The following ZNF420 variants were observed in gnomAD, a reference collection of about 807,000 sequenced individuals.
The protein encoded by ZNF420 is zinc finger protein 420, also known as ATM and p53-associated KZNF protein.
Under a neutral mutation model 44.7 loss-of-function variants are expected in ZNF420, and 31 were observed. That is an observed-to-expected ratio of 0.69 (90% CI 0.52 to 0.94). ZNF420 has a LOEUF of 0.94. Among genes scored for constraint, ZNF420 ranks in the 40% least tolerant of loss-of-function variants. The probability of loss-of-function intolerance (pLI) is 0.00; values close to 1 mark genes in which losing one functional copy is unlikely to be tolerated. For missense variants in ZNF420, 681 were observed against 827.9 expected (o/e 0.82, Z 2.18); for synonymous variants, 245 against 267.4 (o/e 0.92, Z 0.82).
At chr19:37,041,266 A>C (rs1486694727) in intron 1 of ZNF420, among the ~76,000 whole-genome samples, 1 of 150,816 alleles carries the variant, frequency 6.6e-6, no homozygotes. Flanking sequence ...AGCTGAGATC[A>C]TGCCACTGCA....
At chr19:37,085,415 AAATCC>A (rs1968700243) in intron 2 of ZNF420, among the ~76,000 whole-genome samples, 2 of 152,184 alleles carry the variant, frequency 1.3e-5, no homozygotes, top group Non-Finnish European at 2.9e-5. Flanking sequence ...ACTCTTGCTA[AAATCC>A]TATGTGTGGG....
Position 37,129,029 on chromosome 19 carries a change from T to G in ZNF420, c.2038T>G (p.Phe680Val), listed in dbSNP as rs1381292464. ...SFEYKECGIDFSHGSQVYM is the reference protein window; with the variant it reads ...SFEYKECGIDVSHGSQVYM ...TGAATATAAGGAATGTGGGATTGAC[T>G]TTAGTCATGGCTCACAAGTTTACAT... Residue 680 changes from phenylalanine to valine, a missense_variant, in exon 5 of 5, where the codon TTT becomes GTT. Around this residue, in one of 3 missense-constraint regions of ZNF420, gnomAD observed 280 missense variants for 338.6 expected, o/e 0.83. Coordinates refer to ENST00000337995, the MANE Select transcript of ZNF420 (RefSeq NM_144689.5). 6.2e-7 allele frequency: 1 copy of G among 1,612,534 alleles called. No individual in the cohort carries two copies. The highest frequency in any genetic ancestry group is 1.1e-5 in the South Asian group (1 of 91,068).
intron 4 of ZNF420, among the ~76,000 whole-genome samples, chr19:37,093,674 C>T (rs978191182): frequency 1.3e-5 from 2 of 152,184 alleles, no homozygotes; most frequent in African/African-American, 4.8e-5. Flanking sequence ...GACAAACATC[C>T]AAACTATATC....
At chr19:37,123,770 T>TG in intron 4 of ZNF420, among the ~76,000 whole-genome samples, 1 of 151,252 alleles carries the variant, frequency 6.6e-6, no homozygotes, top group African/African-American at 2.4e-5. Flanking sequence ...GCCCAGCTAA[T>TG]TTGTGTGTGT....
chr19:37,049,346 T>C (rs1967597925), intron 1 of ZNF420, among the ~76,000 whole-genome samples: 1 of 152,208 alleles, frequency 6.6e-6, no homozygotes, highest in Admixed American at 6.5e-5. Flanking sequence ...TGTAAAAGTG[T>C]TCCTATTTCT....
intron 1 of ZNF420, among the ~76,000 whole-genome samples, chr19:37,047,392 C>T (rs747834136): frequency 2.0e-5 from 3 of 152,222 alleles, no homozygotes; most frequent in Non-Finnish European, 2.9e-5. Context: ...CCTGAAGACA[C>T]AGTGCACAAG....
chr19:37,060,764 G>A (rs986974442), intron 1 of ZNF420, among the ~76,000 whole-genome samples: 3 of 152,038 alleles, frequency 2.0e-5, no homozygotes, highest in African/African-American at 7.2e-5. Context: ...TGTCTTCTAG[G>A]ACAGGCGCTG....
At chr19:37,010,691 G>A (rs1022759885) in intron 1 of ZNF420, among the ~76,000 whole-genome samples, 1 of 152,028 alleles carries the variant, frequency 6.6e-6, no homozygotes, top group African/African-American at 2.4e-5. Context: ...GGGACATGTT[G>A]CCGGTTGTCA....
intron 1 of ZNF420, among the ~76,000 whole-genome samples, chr19:37,062,183 G>T (rs1378147203): frequency 6.6e-6 from 1 of 152,166 alleles, no homozygotes; most frequent in Admixed American, 6.5e-5. Flanking sequence ...CTCAGATGTG[G>T]AGAATCATGT....
intron 1 of ZNF420, among the ~76,000 whole-genome samples, chr19:37,026,037 G>A (rs943846133): frequency 6.6e-6 from 1 of 152,084 alleles, no homozygotes; most frequent in African/African-American, 2.4e-5. Flanking sequence ...GCATAAGGCC[G>A]GGTGTAGTGG....
intron 4 of ZNF420, among the ~76,000 whole-genome samples, chr19:37,116,724 C>T (rs965701444): frequency 1.1e-4 from 16 of 152,160 alleles, no homozygotes; most frequent in South Asian, 4.1e-4. Flanking sequence ...GGGTGACAGA[C>T]GGCACCTGGA....
rs781675693 is a variant in ZNF420, at chr19:37,127,545, A to G, written c.554A>G (p.His185Arg). 2 of 1,614,034 alleles carry G rather than the reference A, an allele frequency of 1.2e-6. No homozygotes were observed. The highest frequency in any genetic ancestry group is 1.7e-5 in the Admixed American group (1 of 60,028). ...AFSRDSQLSL[H>R]QRLHTGEKPY... ...AGTCGTGATTCACAACTCAGTCTTC[A>G]TCAGAGACTTCATACTGGTGAGAAA... The change falls in exon 5 of 5, where the codon CAT (histidine) becomes CGT (arginine). Residue 185 changes from histidine to arginine, a missense_variant. Physicochemically the swap from His to Arg is conservative, Grantham distance 29. Around this residue, in one of 3 missense-constraint regions of ZNF420, gnomAD observed 350 missense variants for 382.5 expected, o/e 0.92. Transcript: ENST00000337995.
intron 1 of ZNF420, among the ~76,000 whole-genome samples, chr19:37,079,782 G>A (rs1345251292): frequency 2.0e-5 from 3 of 152,132 alleles, no homozygotes; most frequent in African/African-American, 4.8e-5. Context: ...CGCTTTGGGA[G>A]GCAGAGGCGG....
At chr19:37,027,460 CTT>C (rs1462291912) in intron 1 of ZNF420, among the ~76,000 whole-genome samples, 1 of 152,158 alleles carries the variant, frequency 6.6e-6, no homozygotes, top group African/African-American at 2.4e-5. Context: ...AAGATTCACT[CTT>C]TGTGTTCTAC....
intron 4 of ZNF420, chr19:37,111,567 AAC>A: frequency 6.6e-6 from 1 of 152,352 alleles, no homozygotes; most frequent in South Asian, 2.1e-4. Context: ...AGAAATGTGT[AAC>A]AGTCAATTAA....
chr19:37,058,698 C>G (rs1228187078), intron 1 of ZNF420, among the ~76,000 whole-genome samples: 1 of 152,010 alleles, frequency 6.6e-6, no homozygotes, highest in East Asian at 1.9e-4. Context: ...TGTGTCCCCC[C>G]GCATCCACCG....
chr19:37,120,435 A>G (rs1214445010), intron 4 of ZNF420, among the ~76,000 whole-genome samples: 2 of 152,128 alleles, frequency 1.3e-5, no homozygotes. Flanking sequence ...CCTTCATGCT[A>G]AAAACTCTCA....
At chr19:37,026,191 G>T (rs912284549) in intron 1 of ZNF420, among the ~76,000 whole-genome samples, 1 of 151,382 alleles carries the variant, frequency 6.6e-6, no homozygotes, top group African/African-American at 2.4e-5. Context: ...GTTGGGGGGT[G>T]ACACATCCCA....
chr19:37,045,642 A>T (rs181872139), intron 1 of ZNF420, among the ~76,000 whole-genome samples: 3 of 152,312 alleles, frequency 2.0e-5, no homozygotes, highest in African/African-American at 4.8e-5. Context: ...ATTTGGGGAA[A>T]AGCATGAAAA....
Sources: gnomAD v4.1 joint callset for allele counts (sites outside exome capture counted in the v4.1 genomes callset) on GRCh38, gnomAD v4.1.1 for gene constraint, gnomAD v4.1.1 regional missense constraint, MANE v1.5 for transcripts, NCBI Gene and HGNC (gene_info 2026-07-23, HGNC 2026-07-21) for gene names.